Variants in CEP295 observed in about 807,000 individuals in gnomAD.
The protein encoded by CEP295 is centrosomal protein 295.
Under a neutral mutation model 291.6 loss-of-function variants are expected in CEP295, and 190 were observed. The ratio of observed to expected loss-of-function variants is 0.65; its 90% CI spans 0.58 to 0.73. The LOEUF (loss-of-function observed/expected upper bound fraction) is 0.73, where lower values mean the gene tolerates loss of function less well. Among genes scored for constraint, CEP295 ranks in the 30% least tolerant of loss-of-function variants. The probability of loss-of-function intolerance (pLI) is 0.00; values close to 1 mark genes in which losing one functional copy is unlikely to be tolerated. For missense variants in CEP295, 2,863 were observed against 2,949.4 expected, an observed-to-expected ratio of 0.97 and a Z score of 0.68; for synonymous variants, 993 against 1,038.8, an observed-to-expected ratio of 0.96 and a Z score of 0.85.
chr11:93,663,227 C>T (rs1014600562), intron 1 of CEP295, among the ~76,000 whole-genome samples: 1 of 152,188 alleles, frequency 6.6e-6, no homozygotes, highest in African/African-American at 2.4e-5. Context: ...GAGAATCTCC[C>T]CACGGGTTCT....
In CEP295 at chr11:93,724,379, T is replaced by G; in HGVS notation, c.6318+4T>G. ...AGACAACAGAGACTTTTACCAGGTA[T>G]ATTAAAGTAGATGTCCCATTGCAGT... is the stretch of plus-strand genomic sequence containing the variant. On this transcript the variant is annotated splice_donor_region_variant and intron_variant, in intron 22 of 29. Transcript: ENST00000325212. 1 of 1,547,666 alleles carries G rather than the reference T, an allele frequency of 6.5e-7. No individual in the cohort carries two copies. Among genetic ancestry groups the G allele is most frequent in the Non-Finnish European group, 8.7e-7 (1 of 1,144,584 alleles).
chr11:93,698,354 A>G lies in CEP295; in HGVS notation c.3442A>G (p.Lys1148Glu), dbSNP rs1951957779. 7.1e-6 allele frequency: 11 copies of G among 1,552,190 alleles called. No homozygotes were observed. Among genetic ancestry groups the G allele is most frequent in the Non-Finnish European group, 9.6e-6 (11 of 1,147,092 alleles). ...CHLIIPTFQD[K>E]SLSFPQHSLA... Reference sequence around the variant, plus strand: ...TTTGATAATCCCAACATTTCAGGATAAGTCTCTTAGTTTTCCACAGCATAG... The same window carrying G: ...TTTGATAATCCCAACATTTCAGGATGAGTCTCTTAGTTTTCCACAGCATAG... Residue 1148 changes from lysine (K) to glutamate (E), a missense_variant, in exon 15 of 30, where the codon AAG (lysine) becomes GAG (glutamate). Physicochemically the swap from Lys to Glu is moderately conservative, Grantham distance 56. Around this residue, in one of 3 missense-constraint regions of CEP295, gnomAD observed 2,295 missense variants for 2,335.7 expected, o/e 0.98. Transcript: ENST00000325212.
chr11:93,680,174 G>C (rs1258965293), intron 7 of CEP295, among the ~76,000 whole-genome samples: 1 of 152,188 alleles, frequency 6.6e-6, no homozygotes, highest in Non-Finnish European at 1.5e-5. Flanking sequence ...CTACTCAGGA[G>C]GCCAAGGTGG....
At chr11:93,674,277 A>G (rs969184774) in intron 5 of CEP295, among the ~76,000 whole-genome samples, 4 of 152,072 alleles carry the variant, frequency 2.6e-5, no homozygotes, top group Non-Finnish European at 4.4e-5. Flanking sequence ...CTTGTCCTTT[A>G]TATTGTTTCT....
intron 25 of CEP295, chr11:93,729,158 T>C: frequency 2.0e-6 from 1 of 505,060 alleles, no homozygotes; most frequent in South Asian, 3.2e-5. Flanking sequence ...ACTAGGGGAG[T>C]AGGGAGGCAA....
intron 15 of CEP295, among the ~76,000 whole-genome samples, 187 bp from the exon 16 acceptor site, chr11:93,702,273 T>G (rs757320781): frequency 1.3e-5 from 2 of 152,208 alleles, no homozygotes; most frequent in Non-Finnish European, 2.9e-5. Flanking sequence ...GGTTGTATTT[T>G]CAATGGAAAT....
chr11:93,730,344 T>C lies in CEP295; in HGVS notation c.*75T>C, dbSNP rs1938285464. Reference sequence around the variant, plus strand: ...GACAAAATTATTTAAAGTCAATAAATTGTTATTCGAGGAATTCCATGTTGT... The same window carrying C: ...GACAAAATTATTTAAAGTCAATAAACTGTTATTCGAGGAATTCCATGTTGT... On this transcript the variant is annotated 3_prime_UTR_variant, in exon 30 of 30. Transcript: ENST00000325212. 2 of 1,110,738 alleles carry C rather than the reference T, an allele frequency of 1.8e-6. No individual in the cohort carries two copies. Among genetic ancestry groups the C allele is most frequent in the Admixed American group, 2.0e-5 (1 of 50,098 alleles). The allele number at this position is 1,110,738 out of a possible 1,614,324, so 68.8% of individuals were successfully genotyped here.
intron 12 of CEP295, among the ~76,000 whole-genome samples, chr11:93,694,461 A>G (rs907215921): frequency 2.0e-5 from 3 of 151,924 alleles, no homozygotes; most frequent in Non-Finnish European, 4.4e-5. Flanking sequence ...TTCTTTCCTT[A>G]TTGAGAACTT....
chr11:93,696,924 A>G lies in CEP295; in HGVS notation c.2012A>G (p.Gln671Arg). Reference protein sequence around the residue: ...IQPIQTSKLEQDHFQVARQNH... With the variant: ...IQPIQTSKLERDHFQVARQNH... ...CCTATACAGACCTCCAAATTAGAAC[A>G]AGATCATTTTCAGGTAGCGAGACAA... Residue 671 changes from glutamine to arginine, a missense_variant, in exon 15 of 30, where the codon CAA becomes CGA. Gln to Arg is a conservative substitution (Grantham distance 43). Coordinates refer to ENST00000325212, the MANE Select transcript of CEP295 (RefSeq NM_033395.2). The G allele has an allele frequency of 6.4e-7, 1 of 1,552,086 alleles. No individual in the cohort carries two copies.
At position 93,721,408 on chromosome 11, in the gene CEP295, A is replaced by G. The variant is rs767897172; in HGVS notation, c.5846A>G (p.Asp1949Gly). 1.1e-5 allele frequency: 17 copies of G among 1,579,982 alleles called. No individual in the cohort carries two copies. In the South Asian group the frequency reaches 1.9e-4, roughly 18 times the overall value. Residue 1949 changes from aspartate (D) to glycine (G), a missense_variant, in exon 19 of 30, where the codon GAT (aspartate) becomes GGT (glycine). By Grantham distance (94) the Asp-to-Gly change is moderately conservative. Coordinates refer to ENST00000325212, the MANE Select transcript of CEP295 (RefSeq NM_033395.2). ...TTGGGTCCAACTGTGAAGCCAGATG[A>G]TAAGGTTAGTAATGTCTTAATGTTC... ...AYLGPTVKPD[D>G]KAKTLSYEPL...
intron 1 of CEP295, among the ~76,000 whole-genome samples, chr11:93,662,122 C>CCT (rs998671462): frequency 1.8e-4 from 28 of 152,210 alleles, no homozygotes; most frequent in African/African-American, 5.5e-4. Flanking sequence ...TGGCCTGCCA[C>CCT]CTGGTAGCTG....
Position 93,691,982 on chromosome 11 carries a change from T to C in CEP295, c.1485T>C (p.His495=). 1.3e-6 allele frequency: 2 copies of C among 1,546,254 alleles called. No individual in the cohort carries two copies. Among genetic ancestry groups the C allele is most frequent in the African/African-American group, 1.4e-5 (1 of 73,106 alleles). Residue 495 remains histidine (H), a synonymous_variant, in exon 12 of 30, where the codon CAT becomes CAC. Coordinates refer to ENST00000325212, the MANE Select transcript of CEP295 (RefSeq NM_033395.2). ...TTVAQSSVLL[H]PQEAAARIRM... is the part of the protein sequence containing the mutation. ...TAGCTCAGAGTTCAGTTCTACTTCA[T>C]CCTCAAGAAGCAGCAGCCAGGATTA... is the stretch of plus-strand genomic sequence containing the variant.
intron 2 of CEP295, among the ~76,000 whole-genome samples, chr11:93,667,100 A>G (rs543435348): frequency 5.1e-4 from 78 of 152,354 alleles, no homozygotes; most frequent in Non-Finnish European, 9.4e-4. Flanking sequence ...AGCTTAGATG[A>G]CTTTGAAGAA....
At chr11:93,729,840 T>C in intron 27 of CEP295, 30 bp from the exon 28 acceptor site, 2 of 1,537,132 alleles carry the variant, frequency 1.3e-6, no homozygotes, top group Non-Finnish European at 8.8e-7. Context: ...GCCTTGTGTT[T>C]ACAACTTGAT....
intron 12 of CEP295, among the ~76,000 whole-genome samples, chr11:93,692,695 G>A (rs1002402576): frequency 1.3e-5 from 2 of 151,946 alleles, no homozygotes; most frequent in Non-Finnish European, 2.9e-5. Context: ...TCTTTAGGCT[G>A]GGCATAGTGA....
chr11:93,676,034 AT>A (rs1950672104), intron 6 of CEP295, among the ~76,000 whole-genome samples: 1 of 152,084 alleles, frequency 6.6e-6, no homozygotes, highest in Admixed American at 6.5e-5. Flanking sequence ...TAAATTCATT[AT>A]AACCTTTATT....
intron 17 of CEP295, among the ~76,000 whole-genome samples, chr11:93,705,345 A>G (rs962768261): frequency 1.3e-5 from 2 of 152,182 alleles, no homozygotes; most frequent in Non-Finnish European, 2.9e-5. Context: ...TTAAAACTGA[A>G]CGGGGGTAGA....
At position 93,698,846 on chromosome 11, in the gene CEP295, C is replaced by A; in HGVS notation, c.3934C>A (p.Leu1312Met). 1 of 1,551,736 alleles carries A rather than the reference C, an allele frequency of 6.4e-7. No individual in the cohort carries two copies. The highest frequency in any genetic ancestry group is 1.2e-5 in the South Asian group (1 of 84,062). Residue 1312 changes from leucine to methionine, a missense_variant, in exon 15 of 30, where the codon CTG (leucine) becomes ATG (methionine). Physicochemically the swap from Leu to Met is conservative, Grantham distance 15 (BLOSUM62 2). This residue lies in a region of CEP295 where 2,295 missense variants were observed against 2,335.7 expected (regional missense o/e 0.98). Transcript: ENST00000325212. ...AGCTTCAGCTGAGTCTGGCACAATCCTGGAACCTCTTTTTACAGAGAGTGA... is the reference window on the plus strand; with the variant it reads ...AGCTTCAGCTGAGTCTGGCACAATCATGGAACCTCTTTTTACAGAGAGTGA... ...SLASAESGTILEPLFTESESK... is the reference protein window; with the variant it reads ...SLASAESGTIMEPLFTESESK...
intron 12 of CEP295, among the ~76,000 whole-genome samples, chr11:93,694,105 C>G (rs1951732075): frequency 1.3e-5 from 2 of 152,152 alleles, no homozygotes; most frequent in South Asian, 4.1e-4. Context: ...TGTTGCCTAA[C>G]TAGGAATAGG....
Sources: allele counts gnomAD v4.1 joint callset (sites outside exome capture counted in the v4.1 genomes callset), GRCh38; gene constraint gnomAD v4.1.1; regional missense constraint gnomAD v4.1.1; transcripts MANE v1.5; gene names NCBI Gene and HGNC (gene_info 2026-07-23, HGNC 2026-07-21).